CNTNAP2: variants seen among roughly 807,000 people sequenced by gnomAD.
The protein encoded by CNTNAP2 is contactin-associated protein-like 2.
A neutral mutation model predicts 155.2 loss-of-function variants in CNTNAP2; 98 were observed. That is an observed-to-expected ratio of 0.63 (90% CI 0.54 to 0.75). The LOEUF is 0.75. CNTNAP2 is among the 30% of genes least tolerant of loss of function. The pLI, the probability that CNTNAP2 is intolerant of heterozygous loss-of-function variation, is 0.00. For synonymous variants in CNTNAP2, 651 were observed against 631.2 expected (o/e 1.03, Z -0.47); for missense variants, 1,727 against 1,688.1 (o/e 1.02, Z -0.40).
At chr7:147,390,367 G>T (rs1796691122) in intron 9 of CNTNAP2, among the ~76,000 whole-genome samples, 1 of 152,164 alleles carries the variant, frequency 6.6e-6, no homozygotes, top group East Asian at 1.9e-4. Context: ...GTGGCTCAAT[G>T]TAGTAATAAT....
intron 1 of CNTNAP2, among the ~76,000 whole-genome samples, chr7:146,668,428 C>CTGTGTGTGTGTGTGTGTGTGTG (rs573459590): frequency 8.7e-6 from 1 of 115,490 alleles, no homozygotes; most frequent in African/African-American, 3.0e-5. Flanking sequence ...TGTAATTTTC[C>CTGTGTGTGTGTGTGTGTGTGTG]TGTGTGTGTG....
At chr7:147,788,709 C>T in intron 13 of CNTNAP2, among the ~76,000 whole-genome samples, 1 of 151,970 alleles carries the variant, frequency 6.6e-6, no homozygotes, top group Admixed American at 6.6e-5. Flanking sequence ...ACCTCATCAG[C>T]ATCTCGATAC....
intron 1 of CNTNAP2, among the ~76,000 whole-genome samples, chr7:146,687,048 G>A (rs1800613077): frequency 6.6e-6 from 1 of 152,164 alleles, no homozygotes; most frequent in South Asian, 2.1e-4. Flanking sequence ...CGAGGTGCAT[G>A]AGGTACCTGA....
intron 9 of CNTNAP2, among the ~76,000 whole-genome samples, chr7:147,340,350 A>C (rs538282971): frequency 6.6e-6 from 1 of 152,272 alleles, no homozygotes; most frequent in East Asian, 1.9e-4. Flanking sequence ...TCACACTTTT[A>C]AATCACAAAA....
In CNTNAP2 at chr7:146,883,809, C is replaced by T. The variant is rs7341471; in HGVS notation, c.402+43905C>T. Among the ~76,000 whole-genome samples, 717 of 152,184 alleles carry T rather than the reference C, an allele frequency of 4.7e-3. 4 individuals are homozygous for T. Among genetic ancestry groups the T allele is most frequent in the African/African-American group, 0.016 (682 of 41,544 alleles). On this transcript the variant is annotated intron_variant, in intron 3 of 23. Transcript: ENST00000361727. ...GTTTCTCCAATTTCTCCAAAATCAT[C>T]TTATAGATTATTTAGAATAATTTCA...
intron 1 of CNTNAP2, among the ~76,000 whole-genome samples, chr7:146,636,020 T>A (rs754671320): frequency 6.6e-6 from 1 of 152,142 alleles, no homozygotes; most frequent in African/African-American, 2.4e-5. Context: ...CAGTACATTA[T>A]GAGACTGTTT....
At chr7:146,768,682 A>G (rs747797862) in intron 1 of CNTNAP2, among the ~76,000 whole-genome samples, 60 of 152,002 alleles carry the variant, frequency 3.9e-4, no homozygotes, top group Non-Finnish European at 7.8e-4. Flanking sequence ...TTCCTAATAT[A>G]AAAGTGAGGA....
At chr7:147,367,756 A>G (rs558678103) in intron 9 of CNTNAP2, among the ~76,000 whole-genome samples, 1 of 152,162 alleles carries the variant, frequency 6.6e-6, no homozygotes, top group Non-Finnish European at 1.5e-5. Flanking sequence ...ATGGTGGGCA[A>G]ACACTGGTTA....
chr7:147,807,552 A>C (rs1798110788), intron 13 of CNTNAP2, among the ~76,000 whole-genome samples: 1 of 152,182 alleles, frequency 6.6e-6, no homozygotes, highest in Non-Finnish European at 1.5e-5. Flanking sequence ...TTCTCAGAGC[A>C]CGTAGTCATT....
chr7:146,987,536 C>CA (rs2129238123), intron 3 of CNTNAP2, among the ~76,000 whole-genome samples: 1 of 152,100 alleles, frequency 6.6e-6, no homozygotes, highest in South Asian at 2.1e-4. Context: ...AATTGTTATT[C>CA]AAAATGGATT....
chr7:147,842,584 T>C (rs1798767221), intron 13 of CNTNAP2, among the ~76,000 whole-genome samples: 1 of 83,504 alleles, frequency 1.2e-5, no homozygotes, highest in Non-Finnish European at 2.4e-5. Flanking sequence ...ACTTTTTACT[T>C]TTCTTTTTTT....
intron 21 of CNTNAP2, among the ~76,000 whole-genome samples, chr7:148,326,166 G>A (rs1450085009): frequency 6.6e-6 from 1 of 151,812 alleles, no homozygotes; most frequent in Non-Finnish European, 1.5e-5. Context: ...TTCTCTGGGT[G>A]ATTGTAATGT....
At chr7:147,091,610 C>A (rs1436297783) in intron 4 of CNTNAP2, among the ~76,000 whole-genome samples, 1 of 127,606 alleles carries the variant, frequency 7.8e-6, no homozygotes, top group Non-Finnish European at 1.6e-5. Flanking sequence ...CACCACCACA[C>A]CCAGCTAATT....
rs1280382790 is a variant in CNTNAP2 at position 146,580,227 on chromosome 7, A to G, written c.98-194044A>G. ...TAACTATCAATTTCATACTTTACCT[A>G]GATAACCAGAATTATGTGACTTGTT... On this transcript the variant is annotated intron_variant, in intron 1 of 23. Transcript: ENST00000361727. Among the ~76,000 whole-genome samples the G allele has an allele frequency of 2.6e-5, 4 of 152,150 alleles. No individual in the cohort carries two copies. In the East Asian group the frequency reaches 7.7e-4, roughly 29 times the overall value.
In CNTNAP2 at chr7:147,977,966, G is replaced by C. The variant is rs929192800; in HGVS notation, c.2360G>C (p.Gly787Ala). 6 of 1,613,972 alleles carry C rather than the reference G, an allele frequency of 3.7e-6. No homozygotes were observed. In the Admixed American group the frequency reaches 5.0e-5, roughly 13 times the overall value. The change falls in exon 15 of 24, where the codon GGT becomes GCT. Residue 787 changes from glycine (G) to alanine (A), a missense_variant. Transcript: ENST00000361727. ...GGCTCAGAAGCCAAATTGAGCGTAG[G>C]TCCTCTGCGCTGCCAAGGAGACAGT... ...RQGSEAKLSVGPLRCQGDRNY... is the reference protein window; with the variant it reads ...RQGSEAKLSVAPLRCQGDRNY...
chr7:148,062,582 A>G (rs573145088), intron 15 of CNTNAP2, among the ~76,000 whole-genome samples: 1 of 152,196 alleles, frequency 6.6e-6, no homozygotes, highest in African/African-American at 2.4e-5. Context: ...CATTCTTCTA[A>G]GATATAAATG....
intron 13 of CNTNAP2, among the ~76,000 whole-genome samples, chr7:147,659,485 G>A (rs1795580561): frequency 1.3e-5 from 2 of 152,174 alleles, no homozygotes; most frequent in Admixed American, 6.5e-5. Context: ...CAACATAGAG[G>A]AAACCACTGG....
chr7:147,531,222 C>T (rs1342565282), intron 11 of CNTNAP2, among the ~76,000 whole-genome samples: 4 of 152,150 alleles, frequency 2.6e-5, no homozygotes, highest in Admixed American at 6.6e-5. Context: ...GTGGATCTAA[C>T]ATTTTGGGGT....
chr7:147,652,213 C>G (rs10279953), intron 13 of CNTNAP2, among the ~76,000 whole-genome samples: 311 of 152,284 alleles, frequency 2.0e-3, no homozygotes, highest in African/African-American at 7.2e-3. Context: ...AATTTACCAA[C>G]ACCAGTGGCT....
Sources: allele counts gnomAD v4.1 joint callset (sites outside exome capture counted in the v4.1 genomes callset), GRCh38; gene constraint gnomAD v4.1.1; transcripts MANE v1.5; gene names NCBI Gene and HGNC (gene_info 2026-07-23, HGNC 2026-07-21).